Variants in ZNF827 observed in about 807,000 individuals in gnomAD.
The protein encoded by ZNF827 is zinc finger protein 827.
In ZNF827, 13 loss-of-function variants were observed where a neutral mutation model predicts 102.4. The ratio of observed to expected loss-of-function variants is 0.13; its 90% CI spans 0.08 to 0.20. The LOEUF (loss-of-function observed/expected upper bound fraction) is 0.20. Among genes scored for constraint, ZNF827 ranks in the 10% least tolerant of loss-of-function variants. The probability of loss-of-function intolerance (pLI) is 1.00; values close to 1 mark genes in which losing one functional copy is unlikely to be tolerated. For synonymous variants in ZNF827, 523 were observed against 536.2 expected, an observed-to-expected ratio of 0.98 and a Z score of 0.34; for missense variants, 1,103 against 1,344.4, an observed-to-expected ratio of 0.82 and a Z score of 2.81.
intron 5 of ZNF827, among the ~76,000 whole-genome samples, chr4:145,865,061 T>C (rs1314150667): frequency 6.6e-6 from 1 of 152,220 alleles, no homozygotes; most frequent in East Asian, 1.9e-4. Flanking sequence ...TAGAAGAGTC[T>C]CCAACATGGT....
At chr4:145,918,823 T>C (rs1015318633) in intron 1 of ZNF827, among the ~76,000 whole-genome samples, 1 of 152,230 alleles carries the variant, frequency 6.6e-6, no homozygotes, top group Non-Finnish European at 1.5e-5. Flanking sequence ...ACCTATTTTG[T>C]TTTGTTTTGA....
chr4:145,929,307 C>T (rs964193077), intron 1 of ZNF827, among the ~76,000 whole-genome samples: 13 of 152,118 alleles, frequency 8.5e-5, no homozygotes, highest in African/African-American at 2.4e-4. Context: ...ATATAAATTT[C>T]GTCTGTGTTA....
intron 1 of ZNF827, among the ~76,000 whole-genome samples, chr4:145,907,808 C>G (rs1469208532): frequency 1.3e-5 from 2 of 152,222 alleles, no homozygotes; most frequent in Non-Finnish European, 2.9e-5. Context: ...TTTTACACAA[C>G]AGTCTGTTTT....
chr4:145,775,684 A>T, intron 10 of ZNF827, 105 bp downstream of exon 10: 1 of 1,377,952 alleles, frequency 7.3e-7, no homozygotes, highest in Non-Finnish European at 1.0e-6. Flanking sequence ...CCAGGCTATG[A>T]CTGAGAAAAG....
At chr4:145,918,067 G>A (rs920189536) in intron 1 of ZNF827, among the ~76,000 whole-genome samples, 1 of 151,984 alleles carries the variant, frequency 6.6e-6, no homozygotes, top group Non-Finnish European at 1.5e-5. Context: ...AAGTAATTAC[G>A]GTTTTGCCAT....
intron 8 of ZNF827, among the ~76,000 whole-genome samples, chr4:145,794,998 A>T (rs1050563020): frequency 2.0e-5 from 3 of 152,206 alleles, no homozygotes; most frequent in Non-Finnish European, 2.9e-5. Context: ...AGGCTGCTGA[A>T]CCACATGTAC....
intron 7 of ZNF827, among the ~76,000 whole-genome samples, chr4:145,828,449 A>G (rs765771748): frequency 6.6e-6 from 1 of 152,204 alleles, no homozygotes; most frequent in African/African-American, 2.4e-5. Flanking sequence ...ACTCAACAAA[A>G]TCATCATCTA....
chr4:145,818,915 G>C (rs1032929597), intron 8 of ZNF827, among the ~76,000 whole-genome samples: 5 of 152,156 alleles, frequency 3.3e-5, no homozygotes, highest in Admixed American at 3.3e-4. Context: ...AATGGATCAA[G>C]AACAAGACTG....
intron 2 of ZNF827, among the ~76,000 whole-genome samples, chr4:145,898,454 T>C (rs1016534579): frequency 6.6e-5 from 10 of 152,322 alleles, no homozygotes; most frequent in African/African-American, 2.2e-4. Flanking sequence ...TCTGGCATCC[T>C]GGGAATCTTG....
intron 1 of ZNF827, among the ~76,000 whole-genome samples, chr4:145,913,784 G>A (rs183591849): frequency 2.8e-4 from 43 of 152,242 alleles, no homozygotes; most frequent in Non-Finnish European, 7.4e-5. Context: ...TGATAAATCG[G>A]TTGATTATCT....
chr4:145,759,222 A>G lies in ZNF827; in HGVS notation c.*2394T>C, dbSNP rs1411206891. Reference sequence around the variant, plus strand: ...TTCCTGCTCTTTCAGCCTGTTTCATACTGGAAATTCTGTTGTTTTAAAAAT... The same window carrying G: ...TTCCTGCTCTTTCAGCCTGTTTCATGCTGGAAATTCTGTTGTTTTAAAAAT... On this transcript the variant is annotated 3_prime_UTR_variant, in exon 15 of 15. Transcript: ENST00000508784. 6.6e-6 allele frequency: 1 copy of G among 152,230 alleles called. No individual in the cohort carries two copies. Among genetic ancestry groups the G allele is most frequent in the Non-Finnish European group, 1.5e-5 (1 of 68,044 alleles). The allele number at this position is 152,230 out of a possible 1,614,324, so 9.4% of individuals were successfully genotyped here.
At position 145,886,132 on chromosome 4, in the gene ZNF827, C is replaced by A; in HGVS notation, c.1293G>T (p.Glu431Asp). ...MKVHQHQDRG[E>D]TFQCQLCPFT... is the part of the protein sequence containing the mutation. Reference sequence around the variant, plus strand: ...AAGGGCACAGCTGGCACTGAAAGGTCTCTCCCCGATCCTGGTGCTGATGAA... The same window carrying A: ...AAGGGCACAGCTGGCACTGAAAGGTATCTCCCCGATCCTGGTGCTGATGAA... The change falls in exon 4 of 15, where the codon GAG (glutamate) becomes GAT (aspartate). Residue 431 changes from glutamate to aspartate, a missense_variant. By Grantham distance (45) the Glu-to-Asp change is conservative. Coordinates refer to ENST00000508784, the MANE Select transcript of ZNF827 (RefSeq NM_001306215.2). 1 of 1,608,006 alleles carries A rather than the reference C, an allele frequency of 6.2e-7. No homozygotes were observed. Among genetic ancestry groups the A allele is most frequent in the South Asian group, 1.1e-5 (1 of 89,570 alleles).
intron 1 of ZNF827, among the ~76,000 whole-genome samples, chr4:145,932,969 C>A (rs984253552): frequency 3.3e-5 from 5 of 152,200 alleles, no homozygotes; most frequent in Non-Finnish European, 7.3e-5. Flanking sequence ...ACAGCAAGCT[C>A]TAACACTGGC....
At chr4:145,846,796 A>G in intron 6 of ZNF827, among the ~76,000 whole-genome samples, 1 of 145,310 alleles carries the variant, frequency 6.9e-6, no homozygotes, top group East Asian at 2.1e-4. Flanking sequence ...CAGCCTGAGC[A>G]ACAGAGCAAG....
intron 3 of ZNF827, among the ~76,000 whole-genome samples, chr4:145,889,771 G>C (rs1442157693): frequency 1.3e-5 from 2 of 152,184 alleles, no homozygotes; most frequent in Non-Finnish European, 2.9e-5. Flanking sequence ...GAGGTCAAGA[G>C]TTCAAGACCA....
chr4:145,812,665 CT>C, intron 8 of ZNF827, among the ~76,000 whole-genome samples: 1 of 152,174 alleles, frequency 6.6e-6, no homozygotes, highest in East Asian at 1.9e-4. Flanking sequence ...GTAGGTGGGA[CT>C]ACAGGCGCAC....
chr4:145,881,763 T>C (rs1579462760), intron 4 of ZNF827, among the ~76,000 whole-genome samples: 1 of 152,270 alleles, frequency 6.6e-6, no homozygotes, highest in South Asian at 2.1e-4. Context: ...CCTTGACCTA[T>C]GGTGAAAGCC....
chr4:145,779,343 A>C, intron 9 of ZNF827, 31 bp downstream of exon 9: 1 of 1,608,282 alleles, frequency 6.2e-7, no homozygotes, highest in Non-Finnish European at 8.5e-7. Context: ...TGGAGCATAG[A>C]GGGCTGACAG....
intron 1 of ZNF827, among the ~76,000 whole-genome samples, chr4:145,924,377 T>C (rs1753276575): frequency 6.6e-6 from 1 of 152,236 alleles, no homozygotes; most frequent in Non-Finnish European, 1.5e-5. Context: ...TCATTATATA[T>C]GTATAGATGT....
Sources: allele counts gnomAD v4.1 joint callset (sites outside exome capture counted in the v4.1 genomes callset), GRCh38; gene constraint gnomAD v4.1.1; transcripts MANE v1.5; gene names NCBI Gene and HGNC (gene_info 2026-07-23, HGNC 2026-07-21).